Variants in PCOLCE2 observed in about 807,000 individuals in gnomAD.
The protein encoded by PCOLCE2 is procollagen C-endopeptidase enhancer 2.
Under a neutral mutation model 47.0 loss-of-function variants are expected in PCOLCE2, and 42 were observed. The observed-to-expected ratio is 0.89, with a 90% CI of 0.70 to 1.16. The LOEUF is 1.16. PCOLCE2 is among the 50% of genes most tolerant of loss of function. The pLI is 0.00. For synonymous variants in PCOLCE2, 169 were observed against 191.7 expected (o/e 0.88, Z 0.98); for missense variants, 500 against 526.1 (o/e 0.95, Z 0.49).
chr3:142,821,002 A>T lies in PCOLCE2; in HGVS notation c.993T>A (p.Ser331Arg). 6.2e-7 allele frequency: 1 copy of T among 1,613,592 alleles called. No homozygotes were observed. The highest frequency in any genetic ancestry group is 2.2e-5 in the East Asian group (1 of 44,856). ...TVITTITRDG[S>R]LHATVSIINI... is the part of the protein sequence containing the mutation. ...TGATGATCGAGACTGTGGCGTGCAA[A>T]CTCCCATCGCGAGTGATGGTTGTGA... The change falls in exon 8 of 9, where the codon AGT becomes AGA. Residue 331 changes from serine to arginine, a missense_variant. Coordinates refer to ENST00000295992, the MANE Select transcript of PCOLCE2 (RefSeq NM_013363.4).
chr3:142,852,639 T>G (rs561995300), intron 2 of PCOLCE2, among the ~76,000 whole-genome samples: 2 of 148,168 alleles, frequency 1.3e-5, no homozygotes, highest in Non-Finnish European at 3.0e-5. Flanking sequence ...CCTTCCATGC[T>G]GATCAAAATG....
intron 2 of PCOLCE2, among the ~76,000 whole-genome samples, chr3:142,850,807 G>C (rs1436271818): frequency 1.1e-5 from 1 of 90,650 alleles, no homozygotes; most frequent in Non-Finnish European, 2.6e-5. Context: ...AATAATATGG[G>C]GGTAAGGAAG....
At chr3:142,837,933 G>T (rs1341625015) in intron 5 of PCOLCE2, among the ~76,000 whole-genome samples, 2 of 152,156 alleles carry the variant, frequency 1.3e-5, no homozygotes, top group African/African-American at 2.4e-5. Context: ...GAGGCATAAG[G>T]CCTCAAACAG....
intron 2 of PCOLCE2, among the ~76,000 whole-genome samples, chr3:142,873,058 C>A (rs1425333647): frequency 6.6e-6 from 1 of 152,002 alleles, no homozygotes; most frequent in East Asian, 1.9e-4. Flanking sequence ...TATCATTCAA[C>A]CTTATATTAC....
chr3:142,818,394 T>G lies in PCOLCE2; in HGVS notation c.1189A>C (p.Met397Leu). The change falls in exon 9 of 9, where the codon ATG becomes CTG. Residue 397 changes from methionine (M) to leucine (L), a missense_variant. Physicochemically the swap from Met to Leu is conservative, Grantham distance 15 (BLOSUM62 2). Coordinates refer to ENST00000295992, the MANE Select transcript of PCOLCE2 (RefSeq NM_013363.4). ...RGKIMPNSFI[M>L]MFKTKNQKLL... is the part of the protein sequence containing the mutation. ...TTCTGATTCTTGGTCTTGAACATCATGATAAAGCTGTTTGGCATGATTTTG... is the reference window on the plus strand; with the variant it reads ...TTCTGATTCTTGGTCTTGAACATCAGGATAAAGCTGTTTGGCATGATTTTG... 6.2e-7 allele frequency: 1 copy of G among 1,613,550 alleles called. No homozygotes were observed. Among genetic ancestry groups the G allele is most frequent in the Non-Finnish European group, 8.5e-7 (1 of 1,179,520 alleles).
rs61667058 is a variant in PCOLCE2, at chr3:142,865,156, G to GT, written c.193-16685dup. ...CTCAACAACACTTGCTATTCTCTGT[G>GT]TTTTTTTTTTTTGTTAAAGTCATCC... On this transcript the variant is annotated intron_variant, in intron 2 of 8. Coordinates refer to ENST00000295992, the MANE Select transcript of PCOLCE2 (RefSeq NM_013363.4). Among the ~76,000 whole-genome samples the GT allele has an allele frequency of 9.1e-3, 1,297 of 142,772 alleles. 12 individuals are homozygous for GT. Among genetic ancestry groups the GT allele is most frequent in the African/African-American group, 0.024 (945 of 39,266 alleles). The allele number at this position is 142,772 out of a possible 152,430, so 93.7% of individuals were successfully genotyped here.
At chr3:142,876,260 T>C (rs1328694644) in intron 2 of PCOLCE2, among the ~76,000 whole-genome samples, 2 of 152,202 alleles carry the variant, frequency 1.3e-5, no homozygotes, top group Non-Finnish European at 2.9e-5. Context: ...AGTATAATAT[T>C]TCATGAAGAA....
At chr3:142,853,722 A>G (rs939905268) in intron 2 of PCOLCE2, among the ~76,000 whole-genome samples, 6 of 152,190 alleles carry the variant, frequency 3.9e-5, no homozygotes, top group Admixed American at 1.3e-4. Context: ...TGGAAACTTT[A>G]TATTTCAAAT....
chr3:142,877,621 T>C (rs1464572235), intron 2 of PCOLCE2, among the ~76,000 whole-genome samples: 1 of 152,252 alleles, frequency 6.6e-6, no homozygotes, highest in Non-Finnish European at 1.5e-5. Context: ...TCCAGGATAC[T>C]AACTTTAGAA....
At chr3:142,834,976 A>G (rs1432588888) in intron 5 of PCOLCE2, among the ~76,000 whole-genome samples, 1 of 151,826 alleles carries the variant, frequency 6.6e-6, no homozygotes, top group Admixed American at 6.6e-5. Context: ...TTCTTTAGTG[A>G]TCATTTGGCA....
chr3:142,870,706 A>AT (rs200280430), intron 2 of PCOLCE2, among the ~76,000 whole-genome samples: 3,582 of 135,334 alleles, frequency 0.026, 87 homozygotes, highest in African/African-American at 0.059. Flanking sequence ...GAATGAGGCA[A>AT]TTTTTTTTTT....
intron 3 of PCOLCE2, among the ~76,000 whole-genome samples, chr3:142,845,701 C>T (rs982177830): frequency 2.0e-5 from 3 of 152,118 alleles, no homozygotes; most frequent in Non-Finnish European, 2.9e-5. Flanking sequence ...AGGCCAGGGG[C>T]GGTGGCTCAC....
intron 2 of PCOLCE2, among the ~76,000 whole-genome samples, chr3:142,879,752 G>A (rs1052172076): frequency 2.6e-5 from 4 of 152,072 alleles, no homozygotes; most frequent in Admixed American, 6.5e-5. Flanking sequence ...GGCGGATCAC[G>A]AGGTCAGGAG....
Position 142,823,634 on chromosome 3 carries a change from T to C in PCOLCE2, c.866-19A>G. The C allele has an allele frequency of 6.9e-7, 1 of 1,448,922 alleles. No individual in the cohort carries two copies. The highest frequency in any genetic ancestry group is 9.6e-7 in the Non-Finnish European group (1 of 1,037,458). 89.8% of individuals were successfully genotyped at this position (1,448,922 alleles called of 1,614,324 possible). A position where few individuals can be genotyped will look rare whatever the true frequency, so the allele number is the denominator to read the frequency against. ...TTTAAACCTTAATTCAAAGAAGACA[T>C]AAGTTTCACGAAAAATGAATTCAAG... On this transcript the variant is annotated intron_variant, in intron 6 of 8. Coordinates refer to ENST00000295992, the MANE Select transcript of PCOLCE2 (RefSeq NM_013363.4).
rs757161799 is a variant in PCOLCE2 at position 142,838,904 on chromosome 3, A to ATTG, written c.575_576insCAA (p.Leu192_Ile193insAsn). ...CAAACTTCTCAAACTTTAATTCTAT[A>ATTG]AGCTTTAGAGAAAGCACAATAGAAG... is the stretch of plus-strand genomic sequence containing the variant. On this transcript the variant is annotated inframe_insertion and splice_region_variant, in exon 5 of 9. Coordinates refer to ENST00000295992, the MANE Select transcript of PCOLCE2 (RefSeq NM_013363.4). 1.2e-6 allele frequency: 2 copies of ATTG among 1,609,724 alleles called. No individual in the cohort carries two copies. Among genetic ancestry groups the ATTG allele is most frequent in the African/African-American group, 2.7e-5 (2 of 74,812 alleles).
At chr3:142,828,785 G>C (rs903071012) in intron 6 of PCOLCE2, among the ~76,000 whole-genome samples, 2 of 152,216 alleles carry the variant, frequency 1.3e-5, no homozygotes, top group African/African-American at 4.8e-5. Context: ...GGTGTGACCA[G>C]ATAATTCACT....
chr3:142,833,850 T>C (rs763938036), intron 5 of PCOLCE2, among the ~76,000 whole-genome samples: 21 of 152,204 alleles, frequency 1.4e-4, no homozygotes, highest in Non-Finnish European at 2.9e-4. Context: ...TTGTCAAATA[T>C]ATGTTATAAA....
At chr3:142,860,843 C>T (rs779883858) in intron 2 of PCOLCE2, among the ~76,000 whole-genome samples, 61 of 152,226 alleles carry the variant, frequency 4.0e-4, no homozygotes, top group Non-Finnish European at 7.9e-4. Flanking sequence ...TCTCCTTCCT[C>T]CTGCCCACCC....
At chr3:142,820,410 T>A (rs1936999987) in intron 8 of PCOLCE2, among the ~76,000 whole-genome samples, 1 of 152,348 alleles carries the variant, frequency 6.6e-6, no homozygotes, top group East Asian at 1.9e-4. Flanking sequence ...GGAGTAACTT[T>A]CCGTTTTTCG....
Sources: allele counts gnomAD v4.1 joint callset (sites outside exome capture counted in the v4.1 genomes callset), GRCh38; gene constraint gnomAD v4.1.1; transcripts MANE v1.5; gene names NCBI Gene and HGNC (gene_info 2026-07-23, HGNC 2026-07-21).